Variants in WDR49 observed in about 807,000 individuals in gnomAD.
WDR49 encodes the protein cilia- and flagella-associated protein 337.
Under a neutral mutation model 119.5 loss-of-function variants are expected in WDR49, and 107 were observed. The ratio of observed to expected loss-of-function variants is 0.90; its 90% CI spans 0.77 to 1.05. WDR49 has a LOEUF of 1.05. Ranked by LOEUF, WDR49 falls within the 50% of genes least tolerant of loss-of-function variation. The pLI, the probability that WDR49 is intolerant of heterozygous loss-of-function variation, is 0.00. For synonymous variants in WDR49, 425 were observed against 418.8 expected (o/e 1.01, Z -0.18); for missense variants, 1,240 against 1,220.5 (o/e 1.02, Z -0.24).
chr3:167,509,422 T>A (rs1751884099), intron 16 of WDR49, among the ~76,000 whole-genome samples: 1 of 152,372 alleles, frequency 6.6e-6, no homozygotes, highest in East Asian at 1.9e-4. Flanking sequence ...AGACTTTGAA[T>A]ACCCCTTTAA....
chr3:167,641,913 T>A (rs896316409), intron 2 of WDR49, among the ~76,000 whole-genome samples: 2 of 148,018 alleles, frequency 1.4e-5, no homozygotes, highest in Non-Finnish European at 3.0e-5. Context: ...GTATGCTATG[T>A]TTATGTGAGA....
chr3:167,601,976 T>G (rs1478798644), intron 7 of WDR49, 151 bp downstream of exon 7: 2 of 1,008,832 alleles, frequency 2.0e-6, no homozygotes, highest in Middle Eastern at 3.4e-4. Flanking sequence ...ACCAACACCT[T>G]TTCCAAATAT....
upstream of WDR49, among the ~76,000 whole-genome samples, chr3:167,655,881 G>A (rs1053872570): frequency 3.9e-5 from 6 of 152,142 alleles, no homozygotes; most frequent in Non-Finnish European, 7.4e-5. Context: ...CTGAGTGACA[G>A]AGATAGACAC....
intron 10 of WDR49, among the ~76,000 whole-genome samples, chr3:167,551,724 T>A (rs187585648): frequency 3.3e-5 from 5 of 152,116 alleles, no homozygotes; most frequent in Admixed American, 3.3e-4. Context: ...CTATGCTGCT[T>A]GCCTCTCACT....
intron 3 of WDR49, among the ~76,000 whole-genome samples, chr3:167,623,082 T>G: frequency 6.6e-6 from 1 of 152,000 alleles, no homozygotes; most frequent in East Asian, 1.9e-4. Flanking sequence ...ACTAGATGGC[T>G]TCACTGATAA....
At chr3:167,642,077 G>A (rs982494138) in intron 2 of WDR49, among the ~76,000 whole-genome samples, 2 of 151,802 alleles carry the variant, frequency 1.3e-5, no homozygotes, top group African/African-American at 4.8e-5. Flanking sequence ...ATTTTCCTAA[G>A]TATGCATTTT....
At chr3:167,496,703 C>T (rs1407306582) in intron 18 of WDR49, among the ~76,000 whole-genome samples, 1 of 152,108 alleles carries the variant, frequency 6.6e-6, no homozygotes, top group Non-Finnish European at 1.5e-5. Context: ...CTTTAGCATC[C>T]AGCACAAATG....
At chr3:167,576,776 T>G (rs1342471109) in intron 7 of WDR49, among the ~76,000 whole-genome samples, 1 of 152,052 alleles carries the variant, frequency 6.6e-6, no homozygotes, top group Non-Finnish European at 1.5e-5. Context: ...CAAAATAAAT[T>G]TGTGCTGTTT....
chr3:167,637,227 C>A (rs1201549822), intron 2 of WDR49, among the ~76,000 whole-genome samples: 1 of 151,866 alleles, frequency 6.6e-6, no homozygotes, highest in African/African-American at 2.4e-5. Flanking sequence ...CCAATTATCC[C>A]AGCACCATTT....
chr3:167,494,913 A>C (rs1164189825), intron 18 of WDR49, among the ~76,000 whole-genome samples: 1 of 152,202 alleles, frequency 6.6e-6, no homozygotes, highest in Non-Finnish European at 1.5e-5. Flanking sequence ...CAGACATTTG[A>C]AATCAGAAGT....
intron 18 of WDR49, among the ~76,000 whole-genome samples, chr3:167,484,785 C>T (rs541342293): frequency 4.3e-4 from 65 of 150,236 alleles, no homozygotes; most frequent in African/African-American, 1.5e-3. Context: ...TGGAATACCA[C>T]GGGTAAAAAA....
chr3:167,581,034 C>T (rs78976392), intron 7 of WDR49, among the ~76,000 whole-genome samples: 3,600 of 152,128 alleles, frequency 0.024, 138 homozygotes, highest in African/African-American at 0.083. Context: ...TCTGTCTAAA[C>T]TCAGGCTTAC....
chr3:167,506,108 C>T (rs1304438956), intron 16 of WDR49, among the ~76,000 whole-genome samples: 3 of 152,186 alleles, frequency 2.0e-5, no homozygotes, highest in African/African-American at 4.8e-5. Context: ...ACACATCCAT[C>T]GTCTCAAAAT....
chr3:167,555,870 T>C (rs1287929282), intron 9 of WDR49, among the ~76,000 whole-genome samples: 1 of 152,164 alleles, frequency 6.6e-6, no homozygotes, highest in African/African-American at 2.4e-5. Context: ...ACAGTGTACT[T>C]ATACAAACCT....
At chr3:167,574,551 A>G (rs562292160) in intron 8 of WDR49, among the ~76,000 whole-genome samples, 14 of 152,292 alleles carry the variant, frequency 9.2e-5, no homozygotes, top group Admixed American at 2.6e-4. Flanking sequence ...ACTCAACTCA[A>G]TTGTATAATG....
intron 8 of WDR49, chr3:167,575,219 A>G (rs1000799999): frequency 4.1e-6 from 4 of 985,524 alleles, no homozygotes; most frequent in African/African-American, 1.7e-5. Flanking sequence ...TCCCTTCATG[A>G]TACCCACAGG....
At chr3:167,598,325 A>G (rs1215635428) in intron 7 of WDR49, among the ~76,000 whole-genome samples, 10 of 151,858 alleles carry the variant, frequency 6.6e-5, no homozygotes, top group Admixed American at 6.6e-4. Context: ...AGAAGAAAAG[A>G]AAAAAGAAAT....
rs1157212044 is a variant in WDR49, at chr3:167,554,658, A to G, written c.1815T>C (p.Thr605=). 7.3e-6 allele frequency: 11 copies of G among 1,507,694 alleles called. No individual in the cohort carries two copies. In the African/African-American group the frequency reaches 1.5e-4, roughly 21 times the overall value. The allele number at this position is 1,507,694 out of a possible 1,614,324, so 93.4% of individuals were successfully genotyped here. A position where few individuals can be genotyped will look rare whatever the true frequency, so the allele number is the denominator to read the frequency against. ...WERYDYASWK[T]IGRAITVFRP... Reference sequence around the variant, plus strand: ...AACATTCTCCTTTTTACCTTCCTATAGTTTTCCATGAGGCATAATCATACC... The same window carrying G: ...AACATTCTCCTTTTTACCTTCCTATGGTTTTCCATGAGGCATAATCATACC... The change falls in exon 10 of 19, where the codon ACT becomes ACC. Residue 605 remains threonine, a synonymous_variant. Transcript: ENST00000682715.
intron 16 of WDR49, among the ~76,000 whole-genome samples, chr3:167,516,107 ATTT>A (rs1417018169): frequency 6.6e-6 from 1 of 151,952 alleles, no homozygotes; most frequent in South Asian, 2.1e-4. Context: ...TACTCTTGAA[ATTT>A]TTTTTATTAT....
Sources: gnomAD v4.1 joint callset for allele counts (sites outside exome capture counted in the v4.1 genomes callset) on GRCh38, gnomAD v4.1.1 for gene constraint, MANE v1.5 for transcripts, NCBI Gene and HGNC (gene_info 2026-07-23, HGNC 2026-07-21) for gene names.